Variants in NMNAT1 observed in about 807,000 individuals in gnomAD.
The protein encoded by NMNAT1 is nicotinamide nucleotide adenylyltransferase 1.
A neutral mutation model predicts 16.7 loss-of-function variants in NMNAT1; 11 were observed. The ratio of observed to expected loss-of-function variants is 0.66; its 90% CI spans 0.41 to 1.09. The LOEUF is 1.09. Ranked by LOEUF, NMNAT1 falls within the 50% of genes least tolerant of loss-of-function variation. NMNAT1 has a pLI of 0.00. For missense variants in NMNAT1, 280 were observed against 332.3 expected (o/e 0.84, Z 1.22); for synonymous variants, 110 against 119.8 (o/e 0.92, Z 0.53).
In NMNAT1 at chr1:9,943,523, C is replaced by T. The variant is rs1443114233; in HGVS notation, c.-57+8C>T. 1 of 152,388 alleles carries T rather than the reference C, an allele frequency of 6.6e-6. No individual in the cohort carries two copies. The highest frequency in any genetic ancestry group is 1.5e-5 in the Non-Finnish European group (1 of 68,186). The allele number at this position is 152,388 out of a possible 1,614,324, so 9.4% of individuals were successfully genotyped here. A position where few individuals can be genotyped will look rare whatever the true frequency, so the allele number is the denominator to read the frequency against. ...GCGGACAGTGAGGGCGCGGTAAGCT[C>T]CCCGCAAGGAGCCCCTGAGAAACTG... is the stretch of plus-strand genomic sequence containing the variant. On this transcript the variant is annotated splice_region_variant and intron_variant, in intron 1 of 4. Transcript: ENST00000377205.
chr1:9,967,024 G>A (rs1170159669), intron 1 of NMNAT1, among the ~76,000 whole-genome samples: 2 of 152,038 alleles, frequency 1.3e-5, no homozygotes, highest in Non-Finnish European at 2.9e-5. Flanking sequence ...AGGAGTTCAA[G>A]ACCAACCTGG....
At chr1:9,996,051 C>T in the NMNAT1 span, among the ~76,000 whole-genome samples, 3 of 151,624 alleles carry the variant, frequency 2.0e-5, no homozygotes, top group Admixed American at 2.0e-4. Flanking sequence ...GTGGCTCAGG[C>T]CTGTAATCCC....
chr1:9,960,050 T>C (rs1641367136), intron 1 of NMNAT1, among the ~76,000 whole-genome samples: 1 of 152,214 alleles, frequency 6.6e-6, no homozygotes. Flanking sequence ...ACAGGTTTAA[T>C]ACTGAGCATC....
downstream of NMNAT1, among the ~76,000 whole-genome samples, chr1:9,986,316 T>G (rs1461687059): frequency 6.6e-6 from 1 of 152,224 alleles, no homozygotes; most frequent in Non-Finnish European, 1.5e-5. Context: ...TCTACACCTG[T>G]TTTGTTTTGC....
chr1:9,956,689 C>G (rs977884496), intron 1 of NMNAT1, among the ~76,000 whole-genome samples: 2 of 150,410 alleles, frequency 1.3e-5, no homozygotes, highest in Admixed American at 1.3e-4. Flanking sequence ...TCCCAAAGTG[C>G]TTGGATTACA....
intron 1 of NMNAT1, among the ~76,000 whole-genome samples, chr1:9,947,955 G>T (rs80073059): frequency 0.018 from 2,685 of 152,260 alleles, 34 homozygotes; most frequent in Non-Finnish European, 0.027. Flanking sequence ...GCCCTGCAGT[G>T]GTTGATGAGG....
At chr1:9,944,626 T>C (rs183296594) in intron 1 of NMNAT1, among the ~76,000 whole-genome samples, 1 of 152,298 alleles carries the variant, frequency 6.6e-6, no homozygotes, top group Non-Finnish European at 1.5e-5. Context: ...AGCGATCCTC[T>C]GGCCTTGGCC....
intron 1 of NMNAT1, among the ~76,000 whole-genome samples, chr1:9,962,793 C>T (rs993134710): frequency 2.6e-5 from 4 of 151,096 alleles, no homozygotes; most frequent in African/African-American, 4.9e-5. Flanking sequence ...GCCATTCTCC[C>T]GCCTCAGCCT....
intron 3 of NMNAT1, among the ~76,000 whole-genome samples, chr1:9,979,217 C>T (rs1357136227): frequency 1.3e-5 from 2 of 152,120 alleles, no homozygotes; most frequent in South Asian, 2.1e-4. Context: ...TCTATAGTCC[C>T]AGCACTTTGG....
intron 2 of NMNAT1, chr1:9,972,421 G>C: frequency 3.2e-6 from 1 of 312,990 alleles, no homozygotes; most frequent in Non-Finnish European, 6.0e-6. Context: ...GCTTGAACCC[G>C]GGAGGCGGAG....
chr1:9,962,866 A>G (rs1641458199), intron 1 of NMNAT1, among the ~76,000 whole-genome samples: 1 of 151,954 alleles, frequency 6.6e-6, no homozygotes, highest in South Asian at 2.1e-4. Flanking sequence ...TATTTTTAGT[A>G]GAGACAGGGT....
chr1:9,981,395 T>G, intron 4 of NMNAT1: 1 of 466,130 alleles, frequency 2.1e-6, no homozygotes, highest in South Asian at 2.5e-5. Flanking sequence ...CCACCACGCC[T>G]GTCTAATTTG....
rs7535392 is a variant in NMNAT1, at chr1:9,948,525, G to A, written c.-57+5010G>A. On this transcript the variant is annotated intron_variant, in intron 1 of 4. Coordinates refer to ENST00000377205, the MANE Select transcript of NMNAT1 (RefSeq NM_022787.4). ...GAGTCCGGGAGGTGGAGGTTGCAGTGACTGTGCCATTGTATTCCAGCCTGG... is the reference window on the plus strand; with the variant it reads ...GAGTCCGGGAGGTGGAGGTTGCAGTAACTGTGCCATTGTATTCCAGCCTGG... 4.2e-3 allele frequency among the ~76,000 whole-genome samples: 634 copies of A among 152,208 alleles called. 7 individuals carry two copies. The highest frequency in any genetic ancestry group is 0.014 in the African/African-American group (597 of 41,548).
intron 1 of NMNAT1, chr1:9,967,383 C>T (rs1269396375): frequency 6.5e-6 from 1 of 154,022 alleles, no homozygotes; most frequent in Non-Finnish European, 1.5e-5. Flanking sequence ...CCTACTGGAG[C>T]ATATTCTCAA....
At chr1:9,949,439 T>C (rs1457216714) in intron 1 of NMNAT1, among the ~76,000 whole-genome samples, 4 of 126,490 alleles carry the variant, frequency 3.2e-5, no homozygotes, top group Non-Finnish European at 5.0e-5. Flanking sequence ...AGATGGAGTT[T>C]CACTCTGTCA....
downstream of NMNAT1, among the ~76,000 whole-genome samples, chr1:9,989,153 C>T (rs541794519): frequency 1.2e-4 from 19 of 152,168 alleles, no homozygotes; most frequent in African/African-American, 4.6e-4. Flanking sequence ...GCCCACCCCC[C>T]ATCCTGTGCC....
downstream of NMNAT1, among the ~76,000 whole-genome samples, chr1:9,989,168 A>G (rs1028157083): frequency 3.1e-4 from 47 of 152,194 alleles, no homozygotes; most frequent in Middle Eastern, 3.4e-3. Context: ...TGTGCCCATG[A>G]AAACCCCAGG....
At chr1:9,991,459 C>T in the NMNAT1 span, among the ~76,000 whole-genome samples, 4 of 152,112 alleles carry the variant, frequency 2.6e-5, no homozygotes, top group African/African-American at 7.2e-5. Flanking sequence ...CGTGAGCCAC[C>T]GCACCAAGCC....
At chr1:9,970,139 G>A (rs1226524016) in intron 1 of NMNAT1, among the ~76,000 whole-genome samples, 2 of 152,134 alleles carry the variant, frequency 1.3e-5, no homozygotes, top group African/African-American at 2.4e-5. Context: ...CAGTTTGGGA[G>A]AAGGTAGTCA....
Sources: allele counts gnomAD v4.1 joint callset (sites outside exome capture counted in the v4.1 genomes callset), GRCh38; gene constraint gnomAD v4.1.1; transcripts MANE v1.5; gene names NCBI Gene and HGNC (gene_info 2026-07-23, HGNC 2026-07-21).